The following ANXA2 variants were observed in gnomAD, a reference collection of about 807,000 sequenced individuals.
The protein encoded by ANXA2 is annexin II.
In ANXA2, 28 loss-of-function variants were observed where a neutral mutation model predicts 47.3. The observed-to-expected ratio is 0.59, with a 90% confidence interval of 0.44 to 0.81. The LOEUF is 0.81. ANXA2 is among the 40% of genes least tolerant of loss of function. The pLI is 0.00. For synonymous variants in ANXA2, 172 were observed against 155.5 expected, an observed-to-expected ratio of 1.11 and a Z score of -0.79; for missense variants, 384 against 414.3, an observed-to-expected ratio of 0.93 and a Z score of 0.64.
At chr15:60,381,177 G>C (rs1272056412) in intron 3 of ANXA2, among the ~76,000 whole-genome samples, 1 of 152,188 alleles carries the variant, frequency 6.6e-6, no homozygotes, top group Non-Finnish European at 1.5e-5. Flanking sequence ...GGTCAGCCTG[G>C]TTGAGGTTTC....
At chr15:60,385,086 T>C (rs921463853) in intron 2 of ANXA2, among the ~76,000 whole-genome samples, 10 of 152,150 alleles carry the variant, frequency 6.6e-5, no homozygotes, top group African/African-American at 2.4e-4. Context: ...AAGAAACAAA[T>C]GCAACAGAAT....
chr15:60,366,201 A>T (rs1249814077), intron 3 of ANXA2, among the ~76,000 whole-genome samples: 2 of 146,918 alleles, frequency 1.4e-5, no homozygotes, highest in Non-Finnish European at 3.0e-5. Flanking sequence ...GCTCGCTACA[A>T]CCACCTCCCA....
intron 3 of ANXA2, among the ~76,000 whole-genome samples, chr15:60,375,643 T>A (rs1411729315): frequency 6.6e-6 from 1 of 152,196 alleles, no homozygotes; most frequent in Non-Finnish European, 1.5e-5. Context: ...TAACCAGACA[T>A]AAATTAAGGT....
chr15:60,390,247 C>A, intron 1 of ANXA2: 1 of 1,026,222 alleles, frequency 9.7e-7, no homozygotes, highest in Non-Finnish European at 1.2e-6. Flanking sequence ...GACATTATCC[C>A]ATGCAGGTGC....
At chr15:60,390,592 C>A in intron 1 of ANXA2, 2 of 312,966 alleles carry the variant, frequency 6.4e-6, no homozygotes, top group South Asian at 3.2e-5. Context: ...ACCCCATCTG[C>A]AGATCTAAGA....
chr15:60,355,782 CA>C, intron 7 of ANXA2, 136 bp downstream of exon 7: 1 of 790,800 alleles, frequency 1.3e-6, no homozygotes, highest in Non-Finnish European at 2.3e-6. Flanking sequence ...AGTGACAGTG[CA>C]AACCCACTTT....
intron 7 of ANXA2, among the ~76,000 whole-genome samples, chr15:60,354,729 C>T (rs2062400865): frequency 6.6e-6 from 1 of 151,910 alleles, no homozygotes; most frequent in African/African-American, 2.4e-5. Flanking sequence ...GCCTTGCCAT[C>T]AACAATCCCC....
chr15:60,349,506 A>G (rs1251333505), intron 11 of ANXA2, among the ~76,000 whole-genome samples: 1 of 152,174 alleles, frequency 6.6e-6, no homozygotes, highest in Non-Finnish European at 1.5e-5. Context: ...ATTTCATCAT[A>G]TATATGCAAA....
chr15:60,351,802 T>A lies in ANXA2; in HGVS notation c.700A>T (p.Ser234Cys). ...HLQKVFDRYK[S>C]YSPYDMLESI... ...TCCAACATGTCATAAGGGCTGTAAC[T>A]CTTGTACCTATCAAATACTGAGGAA... The change falls in exon 10 of 13, where the codon AGT becomes TGT. Residue 234 changes from serine to cysteine, a missense_variant. Physicochemically the swap from Ser to Cys is moderately radical, Grantham distance 112 (BLOSUM62 -1). Transcript: ENST00000451270. 1 of 1,612,378 alleles carries A rather than the reference T, an allele frequency of 6.2e-7. No homozygotes were observed. Among genetic ancestry groups the A allele is most frequent in the Non-Finnish European group, 8.5e-7 (1 of 1,178,392 alleles).
chr15:60,385,143 A>C (rs1065180), intron 2 of ANXA2, among the ~76,000 whole-genome samples: 122,492 of 152,244 alleles, frequency 0.8, 49,735 homozygotes, highest in East Asian at 1. Flanking sequence ...GTTTAGTTCT[A>C]AATTCCCTAA....
At chr15:60,397,283 A>T in intron 1 of ANXA2, 1 of 985,592 alleles carries the variant, frequency 1.0e-6, no homozygotes, top group Non-Finnish European at 1.2e-6. Flanking sequence ...GTGTTCAACC[A>T]AGCGGGAAAC....
intron 1 of ANXA2, chr15:60,393,243 T>TG (rs1295816109): frequency 8.4e-6 from 9 of 1,065,726 alleles, no homozygotes; most frequent in Non-Finnish European, 1.0e-5. Context: ...ACTGACTTGT[T>TG]GCAGCTTCAT....
intron 2 of ANXA2, chr15:60,385,762 G>A (rs1047307744): frequency 2.5e-6 from 1 of 398,430 alleles, no homozygotes; most frequent in South Asian, 4.5e-5. Flanking sequence ...GACATGCTAA[G>A]TATGGCAGAA....
chr15:60,358,803 A>T (rs2062471023), intron 5 of ANXA2, among the ~76,000 whole-genome samples: 1 of 152,250 alleles, frequency 6.6e-6, no homozygotes, highest in African/African-American at 2.4e-5. Flanking sequence ...TATAGTCTAA[A>T]AATAACACAC....
Position 60,347,295 on chromosome 15 carries a change from A to T in ANXA2, c.*335T>A, listed in dbSNP as rs1895759362. ...TGAACCCCAAGCACGTTTAATTTTC[A>T]AACAATTCAGTTGAAAGCAGGGCCA... On this transcript the variant is annotated 3_prime_UTR_variant, in exon 13 of 13. Coordinates refer to ENST00000451270, the MANE Select transcript of ANXA2 (RefSeq NM_004039.3). 1 of 326,972 alleles carries T rather than the reference A, an allele frequency of 3.1e-6. No individual in the cohort carries two copies. Among genetic ancestry groups the T allele is most frequent in the African/African-American group, 2.1e-5 (1 of 47,328 alleles). 20.3% of individuals were successfully genotyped at this position (326,972 alleles called of 1,614,324 possible).
At chr15:60,397,784 A>T in intron 1 of ANXA2, 159 bp downstream of exon 1, 1 of 1,208,788 alleles carries the variant, frequency 8.3e-7, no homozygotes. Context: ...CCCTCCCCAA[A>T]GACTCTCCAG....
Position 60,351,748 on chromosome 15 carries a change from G to A in ANXA2, c.754C>T (p.Leu252=). The change falls in exon 10 of 13, where the codon CTG becomes TTG. Residue 252 remains leucine, a synonymous_variant. Transcript: ENST00000451270. Reference sequence around the variant, plus strand: ...CCCAGGTTCAGGAAAGCATTTTCCAGGTCTCCTTTAACCTCTTTCCTGATG... The same window carrying A: ...CCCAGGTTCAGGAAAGCATTTTCCAAGTCTCCTTTAACCTCTTTCCTGATG... ...ESIRKEVKGD[L]ENAFLNLVQC... 2 of 1,613,066 alleles carry A rather than the reference G, an allele frequency of 1.2e-6. No individual in the cohort carries two copies. The highest frequency in any genetic ancestry group is 1.7e-6 in the Non-Finnish European group (2 of 1,179,070).
chr15:60,358,232 A>C (rs1045844271), intron 5 of ANXA2, among the ~76,000 whole-genome samples: 1 of 152,248 alleles, frequency 6.6e-6, no homozygotes, highest in African/African-American at 2.4e-5. Flanking sequence ...CACTTTATTA[A>C]GGAATAAGAA....
At chr15:60,368,682 A>G (rs2062672489) in intron 3 of ANXA2, among the ~76,000 whole-genome samples, 1 of 152,168 alleles carries the variant, frequency 6.6e-6, no homozygotes, top group Admixed American at 6.5e-5. Flanking sequence ...AATAGTGATC[A>G]TGTGAGTGAT....
Sources: gnomAD v4.1 joint callset for allele counts (sites outside exome capture counted in the v4.1 genomes callset) on GRCh38, gnomAD v4.1.1 for gene constraint, MANE v1.5 for transcripts, NCBI Gene and HGNC (gene_info 2026-07-23, HGNC 2026-07-21) for gene names.